KLRG2: variants seen among roughly 807,000 people sequenced by gnomAD.
KLRG2 encodes the protein killer cell lectin-like receptor subfamily G member 2.
KLRG2 carries 39 observed loss-of-function variants against 35.4 expected under a neutral mutation model. That is an observed-to-expected ratio of 1.10 (90% CI 0.85 to 1.44). The LOEUF (loss-of-function observed/expected upper bound fraction) is 1.44, where lower values mean the gene tolerates loss of function less well. KLRG2 is among the 40% of genes most tolerant of loss of function. The pLI is 0.00. For missense variants in KLRG2, 632 were observed against 570.9 expected (o/e 1.11, Z -1.09); for synonymous variants, 283 against 265.8 (o/e 1.06, Z -0.63).
At chr7:139,457,525 ATAAAGC>A (rs1554403175) in intron 3 of KLRG2, among the ~76,000 whole-genome samples, 2 of 152,162 alleles carry the variant, frequency 1.3e-5, no homozygotes, top group Non-Finnish European at 2.9e-5. Context: ...ATACTAACAT[ATAAAGC>A]CACGGCCACC....
downstream of KLRG2, among the ~76,000 whole-genome samples, chr7:139,449,715 T>TTTTA (rs1796347428): frequency 7.0e-6 from 1 of 142,298 alleles, no homozygotes; most frequent in Non-Finnish European, 1.5e-5. Context: ...TTTTTTTTTT[T>TTTTA]TTGAGACGGA....
At position 139,459,855 on chromosome 7, in the gene KLRG2, G is replaced by A. The variant is rs1020393747; in HGVS notation, c.1006-5641C>T. ...CAACCTCCGCCTCCCAGGTTCAAGC[G>A]ATTCTCCTGCCTCAGCCTCCCAAGT... On this transcript the variant is annotated intron_variant, in intron 3 of 4. Transcript: ENST00000340940. Among the ~76,000 whole-genome samples the A allele has an allele frequency of 5.3e-5, 8 of 152,052 alleles. No individual in the cohort carries two copies. The South Asian group carries it at 1.7e-3, about 32-fold the overall frequency.
chr7:139,436,091 C>G, the KLRG2 span, among the ~76,000 whole-genome samples: 6 of 151,924 alleles, frequency 3.9e-5, no homozygotes, highest in Non-Finnish European at 8.8e-5. Context: ...TTAGTAGAGA[C>G]AGGGTTTCAC....
chr7:139,452,961 C>A lies in KLRG2; in HGVS notation c.*626G>T, dbSNP rs756578785. The A allele has an allele frequency of 6.5e-6, 1 of 152,890 alleles. No homozygotes were observed. The highest frequency in any genetic ancestry group is 1.5e-5 in the Non-Finnish European group (1 of 68,602). 9.5% of individuals were successfully genotyped at this position (152,890 alleles called of 1,614,324 possible). A position where few individuals can be genotyped will look rare whatever the true frequency, so the allele number is the denominator to read the frequency against. On this transcript the variant is annotated 3_prime_UTR_variant, in exon 5 of 5. Coordinates refer to ENST00000340940, the MANE Select transcript of KLRG2 (RefSeq NM_198508.4). ...ATCAGCGTGCCAGGGGCTGGCCAGC[C>A]CACATGCGGGATCTCCACCCAGAAC...
chr7:139,442,050 G>A, the KLRG2 span, among the ~76,000 whole-genome samples: 1 of 152,188 alleles, frequency 6.6e-6, no homozygotes, highest in African/African-American at 2.4e-5. Context: ...TTAAACAGGT[G>A]TAAGGAGAGG....
At chr7:139,449,573 CTT>C (rs1258782283), downstream of KLRG2, among the ~76,000 whole-genome samples, 1 of 146,032 alleles carries the variant, frequency 6.8e-6, no homozygotes, top group Non-Finnish European at 1.5e-5. Context: ...AATAATAAAT[CTT>C]AGCTTACTGT....
the KLRG2 span, among the ~76,000 whole-genome samples, chr7:139,443,542 G>A: frequency 1.2e-4 from 18 of 152,012 alleles, no homozygotes; most frequent in Admixed American, 9.2e-4. Flanking sequence ...ATGTTTAGAG[G>A]ATGTATGTGT....
At chr7:139,480,281 T>A in intron 1 of KLRG2, 34 bp from the exon 2 acceptor site, 2 of 1,277,122 alleles carry the variant, frequency 1.6e-6, no homozygotes, top group Non-Finnish European at 2.3e-6. Flanking sequence ...ATCAGATTAG[T>A]GGAGACCATC....
chr7:139,467,009 T>C (rs1303855280), intron 3 of KLRG2, among the ~76,000 whole-genome samples: 3 of 152,112 alleles, frequency 2.0e-5, no homozygotes, highest in Non-Finnish European at 2.9e-5. Flanking sequence ...TGTCTTCTGT[T>C]TAGTCTCTCA....
chr7:139,431,037 A>G, the KLRG2 span, among the ~76,000 whole-genome samples: 2 of 151,736 alleles, frequency 1.3e-5, no homozygotes, highest in South Asian at 2.1e-4. Context: ...AAAAGGTTAA[A>G]TTGTGATACA....
Position 139,483,322 on chromosome 7 carries a change from G to GA in KLRG2, c.320_321insT (p.Glu108ArgfsTer6), listed in dbSNP as rs745776015. The stretch of plus-strand genomic sequence containing the variant: ...GCGCAGGCTCAGCCCCGGGCGCCTC[G>GA]CCATTCCGGGGCAGCTTGACCAAGG... On this transcript the variant is annotated frameshift_variant, in exon 1 of 5. Coordinates refer to ENST00000340940, the MANE Select transcript of KLRG2 (RefSeq NM_198508.4). LOFTEE classifies it high-confidence loss of function. 10 of 1,547,050 alleles carry GA rather than the reference G, an allele frequency of 6.5e-6. No homozygotes were observed. Among genetic ancestry groups the GA allele is most frequent in the Admixed American group, 1.9e-5 (1 of 52,950 alleles).
downstream of KLRG2, among the ~76,000 whole-genome samples, chr7:139,449,990 T>C (rs1046816592): frequency 2.7e-4 from 41 of 152,004 alleles, no homozygotes; most frequent in East Asian, 3.1e-3. Context: ...CGTGAGCCAC[T>C]GTGCCCGGCC....
intron 1 of KLRG2, 48 bp downstream of exon 1, chr7:139,482,838 G>A (rs1249001113): frequency 7.4e-7 from 1 of 1,357,934 alleles, no homozygotes; most frequent in East Asian, 3.1e-5. Flanking sequence ...TTTCGGCTAC[G>A]TCCACCCGAC....
rs564949884 is a variant in KLRG2, at chr7:139,467,293, C to A, written c.1005+12334G>T. On this transcript the variant is annotated intron_variant, in intron 3 of 4. Transcript: ENST00000340940. ...TACTAATATAAGAAGACAAGAATGT[C>A]AGGCCTCTGAGCCCAAGCTAAGCCA... is the stretch of plus-strand genomic sequence containing the variant. 2.5e-4 allele frequency among the ~76,000 whole-genome samples: 38 copies of A among 152,276 alleles called. No homozygotes were observed. The East Asian group carries it at 3.7e-3, about 15-fold the overall frequency.
intron 3 of KLRG2, among the ~76,000 whole-genome samples, chr7:139,464,837 T>G (rs1430175085): frequency 6.6e-6 from 1 of 152,164 alleles, no homozygotes; most frequent in Non-Finnish European, 1.5e-5. Context: ...CTCAACTCAC[T>G]CTCTACAGTT....
At chr7:139,468,327 C>T (rs1025436108) in intron 3 of KLRG2, among the ~76,000 whole-genome samples, 2 of 152,158 alleles carry the variant, frequency 1.3e-5, no homozygotes, top group African/African-American at 4.8e-5. Context: ...TCTCGTTCCA[C>T]CTAACAAGAA....
chr7:139,432,769 C>A, the KLRG2 span, among the ~76,000 whole-genome samples: 1 of 152,138 alleles, frequency 6.6e-6, no homozygotes, highest in African/African-American at 2.4e-5. Flanking sequence ...GCTTATAACA[C>A]CTGATACAAT....
chr7:139,458,511 C>T (rs1796514977), intron 3 of KLRG2, among the ~76,000 whole-genome samples: 1 of 152,180 alleles, frequency 6.6e-6, no homozygotes, highest in Non-Finnish European at 1.5e-5. Context: ...CATCCATCTC[C>T]TGAACTTTTT....
intron 3 of KLRG2, among the ~76,000 whole-genome samples, chr7:139,459,912 G>A (rs1796540132): frequency 6.6e-6 from 1 of 152,054 alleles, no homozygotes; most frequent in Admixed American, 6.6e-5. Context: ...CCACCACACT[G>A]GCTAATTTTT....
Sources: gnomAD v4.1 joint callset for allele counts (sites outside exome capture counted in the v4.1 genomes callset) on GRCh38, gnomAD v4.1.1 for gene constraint, MANE v1.5 for transcripts, NCBI Gene and HGNC (gene_info 2026-07-23, HGNC 2026-07-21) for gene names.